SMAD2: variants seen among roughly 807,000 people sequenced by gnomAD.
The protein encoded by SMAD2 is MAD homolog 2.
A neutral mutation model predicts 64.4 loss-of-function variants in SMAD2; 8 were observed. That is an observed-to-expected ratio of 0.12 (90% CI 0.07 to 0.22). SMAD2 has a LOEUF of 0.22. SMAD2 is among the 10% of genes least tolerant of loss of function. The probability of loss-of-function intolerance (pLI) is 1.00; values close to 1 mark genes in which losing one functional copy is unlikely to be tolerated. For synonymous variants in SMAD2, 203 were observed against 195.8 expected (o/e 1.04, Z -0.31); for missense variants, 289 against 561.2 (o/e 0.51, Z 4.90).
In SMAD2 at chr18:47,841,657, T is replaced by A; in HGVS notation, c.*170A>T. ...TCTAGACACTAATTTTCCCATCTAA[T>A]ATTCAAATATAGGAAACAGATTCCA... is the stretch of plus-strand genomic sequence containing the variant. On this transcript the variant is annotated 3_prime_UTR_variant, in exon 11 of 11. Coordinates refer to ENST00000262160, the MANE Select transcript of SMAD2 (RefSeq NM_005901.6). 2 of 685,292 alleles carry A rather than the reference T, an allele frequency of 2.9e-6. No individual in the cohort carries two copies. Among genetic ancestry groups the A allele is most frequent in the Non-Finnish European group, 5.1e-6 (2 of 392,132 alleles). The allele number at this position is 685,292 out of a possible 1,614,324, so 42.5% of individuals were successfully genotyped here.
At chr18:47,906,899 G>A (rs1292733618) in intron 1 of SMAD2, among the ~76,000 whole-genome samples, 1 of 151,834 alleles carries the variant, frequency 6.6e-6, no homozygotes, top group East Asian at 1.9e-4. Flanking sequence ...AAGAGCTCTT[G>A]GCATTACATT....
Position 47,835,495 on chromosome 18 carries a change from T to C in SMAD2, c.*6332A>G, listed in dbSNP as rs1336474201. 2.5e-5 allele frequency: 5 copies of C among 197,660 alleles called. No homozygotes were observed. The highest frequency in any genetic ancestry group is 1.2e-4 in the African/African-American group (5 of 43,308). The allele number at this position is 197,660 out of a possible 1,614,324, so 12.2% of individuals were successfully genotyped here. ...AATAGTAAGAGTGGCAAACAAATGT[T>C]TTCTTAGGGACTTACTGAGAAAAGA... On this transcript the variant is annotated 3_prime_UTR_variant, in exon 11 of 11. Transcript: ENST00000262160.
At position 47,825,319 on chromosome 18, in the gene SMAD2, T is replaced by C. The variant is rs1912712521; in HGVS notation, c.*16508A>G. Reference sequence around the variant, plus strand: ...GGTGGTGTTGAGAGCTGGGGCCTAGTGGGAGATGTTTGGTTCACTGAGGCA... The same window carrying C: ...GGTGGTGTTGAGAGCTGGGGCCTAGCGGGAGATGTTTGGTTCACTGAGGCA... On this transcript the variant is annotated 3_prime_UTR_variant, in exon 11 of 11. Transcript: ENST00000262160. The C allele has an allele frequency of 6.6e-6, 1 of 152,240 alleles. No individual in the cohort carries two copies. The highest frequency in any genetic ancestry group is 1.5e-5 in the Non-Finnish European group (1 of 68,094). The allele number at this position is 152,240 out of a possible 1,614,324, so 9.4% of individuals were successfully genotyped here.
At chr18:47,918,424 G>A (rs1163206430) in intron 1 of SMAD2, among the ~76,000 whole-genome samples, 1 of 152,118 alleles carries the variant, frequency 6.6e-6, no homozygotes, top group Non-Finnish European at 1.5e-5. Flanking sequence ...GCATATAGAT[G>A]CTAATATTGG....
In SMAD2 at chr18:47,830,429, T is replaced by A. The variant is rs1300558937; in HGVS notation, c.*11398A>T. 1.3e-5 allele frequency: 2 copies of A among 151,594 alleles called. No homozygotes were observed. The highest frequency in any genetic ancestry group is 1.5e-5 in the Non-Finnish European group (1 of 67,924). 9.4% of individuals were successfully genotyped at this position (151,594 alleles called of 1,614,324 possible). ...CTGTCTCCACTAAAAATACAAAAAG[T>A]AGTTGGGCGTGGTGGTGTGTGCCTG... is the stretch of plus-strand genomic sequence containing the variant. On this transcript the variant is annotated 3_prime_UTR_variant, in exon 11 of 11. Coordinates refer to ENST00000262160, the MANE Select transcript of SMAD2 (RefSeq NM_005901.6).
rs551618600 is a variant in SMAD2, at chr18:47,820,769, T to C, written c.*21058A>G. 1.3e-5 allele frequency: 2 copies of C among 152,242 alleles called. No individual in the cohort carries two copies. Among genetic ancestry groups the C allele is most frequent in the East Asian group, 1.9e-4 (1 of 5,178 alleles). The allele number at this position is 152,242 out of a possible 1,614,324, so 9.4% of individuals were successfully genotyped here. A position where few individuals can be genotyped will look rare whatever the true frequency, so the allele number is the denominator to read the frequency against. On this transcript the variant is annotated 3_prime_UTR_variant, in exon 11 of 11. Coordinates refer to ENST00000262160, the MANE Select transcript of SMAD2 (RefSeq NM_005901.6). ...TAATGAAGTTGGCAATAGGTCAGAA[T>C]GAAATCATAAGACATTGAGCTTACA...
At chr18:47,926,373 G>A (rs1296600410) in intron 1 of SMAD2, among the ~76,000 whole-genome samples, 1 of 152,092 alleles carries the variant, frequency 6.6e-6, no homozygotes, top group Non-Finnish European at 1.5e-5. Flanking sequence ...TTCAGGTCTG[G>A]TCCTGCACTC....
chr18:47,848,136 A>G (rs1914708464), intron 8 of SMAD2, among the ~76,000 whole-genome samples: 1 of 152,168 alleles, frequency 6.6e-6, no homozygotes, highest in Non-Finnish European at 1.5e-5. Flanking sequence ...AAAACAAAAC[A>G]AAAAAACATG....
chr18:47,930,831 A>C (rs2034988934), upstream of SMAD2: 1 of 147,466 alleles, frequency 6.8e-6, no homozygotes, highest in African/African-American at 2.5e-5. Flanking sequence ...CTGGCTGGCG[A>C]GCTGCTTCTC....
At chr18:47,900,608 A>G (rs572217284) in intron 1 of SMAD2, among the ~76,000 whole-genome samples, 1 of 152,168 alleles carries the variant, frequency 6.6e-6, no homozygotes, top group East Asian at 1.9e-4. Flanking sequence ...ATTACTTTCT[A>G]TTCACTAATT....
intron 2 of SMAD2, among the ~76,000 whole-genome samples, chr18:47,892,293 G>A (rs2033234695): frequency 6.6e-6 from 1 of 151,334 alleles, no homozygotes; most frequent in African/African-American, 2.4e-5. Flanking sequence ...TGTGCCTCCT[G>A]GGTTCAAGCA....
intron 10 of SMAD2, chr18:47,844,991 C>T (rs1914351976): frequency 6.1e-6 from 3 of 494,566 alleles, no homozygotes; most frequent in African/African-American, 5.8e-5. Flanking sequence ...AAATCCAATG[C>T]ACCTTTTACA....
chr18:47,835,096 TTC>T lies in SMAD2; in HGVS notation c.*6729_*6730del, dbSNP rs1249591261. ...GTTCTCATCTTAATCGCTGTAGTTT[TTC>T]TTTCTTTACTCTTTTGTATAAAAGG... is the stretch of plus-strand genomic sequence containing the variant. On this transcript the variant is annotated 3_prime_UTR_variant, in exon 11 of 11. Coordinates refer to ENST00000262160, the MANE Select transcript of SMAD2 (RefSeq NM_005901.6). 2 of 219,566 alleles carry T rather than the reference TTC, an allele frequency of 9.1e-6. No homozygotes were observed. The highest frequency in any genetic ancestry group is 1.8e-5 in the Non-Finnish European group (2 of 109,556). 13.6% of individuals were successfully genotyped at this position (219,566 alleles called of 1,614,324 possible). A position where few individuals can be genotyped will look rare whatever the true frequency, so the allele number is the denominator to read the frequency against.
chr18:47,904,211 G>A (rs948603), intron 1 of SMAD2, among the ~76,000 whole-genome samples: 84,296 of 147,748 alleles, frequency 0.57, 24,405 homozygotes, highest in East Asian at 0.8. Flanking sequence ...GGCAGAAAAC[G>A]GAAGAGAGCT....
chr18:47,903,857 A>AAAGAGGG (rs1200295354), intron 1 of SMAD2, among the ~76,000 whole-genome samples: 2 of 132,516 alleles, frequency 1.5e-5, no homozygotes, highest in African/African-American at 2.8e-5. Context: ...ATTGAAACAC[A>AAAGAGGG]AAGAGGGAAA....
chr18:47,864,303 C>A (rs1472629017), intron 6 of SMAD2, among the ~76,000 whole-genome samples: 1 of 152,040 alleles, frequency 6.6e-6, no homozygotes, highest in Non-Finnish European at 1.5e-5. Context: ...ATTATTGTAA[C>A]CCCTCCCTCC....
intron 1 of SMAD2, among the ~76,000 whole-genome samples, chr18:47,917,242 T>C (rs2034374463): frequency 6.6e-6 from 1 of 152,234 alleles, no homozygotes; most frequent in Non-Finnish European, 1.5e-5. Context: ...CTGAGAGGTA[T>C]ATTAAAATTT....
chr18:47,927,443 A>G (rs1372880481), intron 1 of SMAD2, among the ~76,000 whole-genome samples: 2 of 152,212 alleles, frequency 1.3e-5, no homozygotes, highest in Admixed American at 1.3e-4. Flanking sequence ...GTCTTACTCT[A>G]AACACTGGAG....
Position 47,851,304 on chromosome 18 carries a change from T to C in SMAD2, c.754A>G (p.Thr252Ala), listed in dbSNP as rs1204398491. The change falls in exon 7 of 11, where the codon ACT (threonine) becomes GCT (alanine). Residue 252 changes from threonine to alanine, a missense_variant. Around this residue, in one of 6 missense-constraint regions of SMAD2, gnomAD observed 119 missense variants for 156.7 expected, o/e 0.76. Transcript: ENST00000262160. ...DTGSPAELSP[T>A]TLSPVNHSLD... ...CTATGATTAACAGGGGAAAGAGTAG[T>C]AGGAGATAGTTCTGCTGGAGAGCCT... is the stretch of plus-strand genomic sequence containing the variant. 3.7e-6 allele frequency: 6 copies of C among 1,609,586 alleles called. No individual in the cohort carries two copies. Among genetic ancestry groups the C allele is most frequent in the Admixed American group, 1.7e-5 (1 of 59,948 alleles).
Sources: allele counts gnomAD v4.1 joint callset (sites outside exome capture counted in the v4.1 genomes callset), GRCh38; gene constraint gnomAD v4.1.1; regional missense constraint gnomAD v4.1.1; transcripts MANE v1.5; gene names NCBI Gene and HGNC (gene_info 2026-07-23, HGNC 2026-07-21).